Variants in CAAP1 observed in about 807,000 individuals in gnomAD.
CAAP1 encodes caspase activity and apoptosis inhibitor 1, also known as conserved anti-apoptotic protein.
Under a neutral mutation model 34.0 loss-of-function variants are expected in CAAP1, and 20 were observed. The ratio of observed to expected loss-of-function variants is 0.59; its 90% CI spans 0.41 to 0.86. CAAP1 has a LOEUF of 0.86. CAAP1 is among the 40% of genes least tolerant of loss of function. The probability of loss-of-function intolerance (pLI) is 0.00; values close to 1 mark genes in which losing one functional copy is unlikely to be tolerated. For missense variants in CAAP1, 538 were observed against 450.5 expected (o/e 1.19, Z -1.76); for synonymous variants, 213 against 166.7 (o/e 1.28, Z -2.14).
chr9:26,874,022 A>G (rs1056538961), intron 4 of CAAP1, among the ~76,000 whole-genome samples: 9 of 151,982 alleles, frequency 5.9e-5, no homozygotes, highest in Non-Finnish European at 1.5e-5. Flanking sequence ...CCTGGCTAAC[A>G]TGGTGAAACC....
intron 1 of CAAP1, among the ~76,000 whole-genome samples, chr9:26,891,252 T>C (rs905428628): frequency 4.6e-5 from 7 of 152,122 alleles, no homozygotes; most frequent in African/African-American, 9.7e-5. Context: ...CAAATAAAAA[T>C]ATTAAAATGT....
intron 4 of CAAP1, among the ~76,000 whole-genome samples, chr9:26,884,180 T>A (rs975843042): frequency 7.9e-5 from 12 of 152,326 alleles, no homozygotes; most frequent in Non-Finnish European, 1.5e-4. Flanking sequence ...AAATAGTTAA[T>A]TGTTTTAAGC....
intron 4 of CAAP1, among the ~76,000 whole-genome samples, chr9:26,876,680 A>G (rs551252882): frequency 1.3e-5 from 2 of 152,206 alleles, no homozygotes; most frequent in East Asian, 3.9e-4. Flanking sequence ...GAGCCTAGGA[A>G]TAAGAGGCTA....
intron 4 of CAAP1, among the ~76,000 whole-genome samples, chr9:26,873,475 A>G (rs900168860): frequency 1.6e-4 from 24 of 152,326 alleles, no homozygotes; most frequent in African/African-American, 5.5e-4. Context: ...ATTTCCCTAC[A>G]GTATACTTTT....
chr9:26,847,730 G>C (rs749901237), intron 5 of CAAP1, among the ~76,000 whole-genome samples: 1 of 150,396 alleles, frequency 6.6e-6, no homozygotes, highest in Non-Finnish European at 1.5e-5. Flanking sequence ...TTTTATTTAT[G>C]GTGTTTTTTT....
chr9:26,868,730 A>G (rs906860493), intron 4 of CAAP1, among the ~76,000 whole-genome samples: 1 of 152,236 alleles, frequency 6.6e-6, no homozygotes, highest in African/African-American at 2.4e-5. Flanking sequence ...TAAAGCCAAC[A>G]GGTGTACAGG....
intron 4 of CAAP1, among the ~76,000 whole-genome samples, chr9:26,870,473 C>T (rs1823246920): frequency 6.6e-6 from 1 of 150,906 alleles, no homozygotes; most frequent in Admixed American, 6.6e-5. Flanking sequence ...TCTAAGTTGT[C>T]TGAATCACAG....
Position 26,842,405 on chromosome 9 carries a change from C to T in CAAP1, c.982G>A (p.Asp328Asn). Residue 328 changes from aspartate to asparagine, a missense_variant, in exon 6 of 6, where the codon GAT (aspartate) becomes AAT (asparagine). Asp to Asn is a conservative substitution (Grantham distance 23). Around this residue, in one of 3 missense-constraint regions of CAAP1, gnomAD observed 6 missense variants for 19.8 expected, o/e 0.30. Coordinates refer to ENST00000333916, the MANE Select transcript of CAAP1 (RefSeq NM_024828.4). ...AATLAVPPPE[D>N]VQPSAQQLEL... Reference sequence around the variant, plus strand: ...AGTTGCTGTGCAGAAGGTTGAACATCTTCTGGTGGAGGAACAGCCAGGGTG... The same window carrying T: ...AGTTGCTGTGCAGAAGGTTGAACATTTTCTGGTGGAGGAACAGCCAGGGTG... 1 of 1,614,168 alleles carries T rather than the reference C, an allele frequency of 6.2e-7. No individual in the cohort carries two copies.
chr9:26,865,506 AAG>A (rs1480814399), intron 4 of CAAP1, among the ~76,000 whole-genome samples: 1 of 151,198 alleles, frequency 6.6e-6, no homozygotes, highest in Admixed American at 6.6e-5. Context: ...CCTGGGCAAC[AAG>A]AGAGAAACTA....
At chr9:26,845,010 T>C (rs1822564792) in intron 5 of CAAP1, among the ~76,000 whole-genome samples, 1 of 152,252 alleles carries the variant, frequency 6.6e-6, no homozygotes. Flanking sequence ...TTCTGACTTA[T>C]TCTGTCACTT....
At chr9:26,871,688 C>T (rs926307469) in intron 4 of CAAP1, among the ~76,000 whole-genome samples, 2 of 151,958 alleles carry the variant, frequency 1.3e-5, no homozygotes, top group Admixed American at 6.6e-5. Flanking sequence ...CTTTGGGAAG[C>T]CGAGGTGGGT....
chr9:26,866,600 A>T (rs1823144627), intron 4 of CAAP1, among the ~76,000 whole-genome samples: 1 of 152,236 alleles, frequency 6.6e-6, no homozygotes, highest in South Asian at 2.1e-4. Flanking sequence ...TTTCTGAATA[A>T]GAGCATACAC....
At position 26,847,213 on chromosome 9, in the gene CAAP1, T is replaced by A. The variant is rs1414014370; in HGVS notation, c.740-4566A>T. 7.0e-5 allele frequency among the ~76,000 whole-genome samples: 7 copies of A among 100,224 alleles called. No individual in the cohort carries two copies. In the East Asian group the frequency reaches 1.1e-3, roughly 16 times the overall value. The allele number at this position is 100,224 out of a possible 152,430, so 65.8% of individuals were successfully genotyped here. On this transcript the variant is annotated intron_variant, in intron 5 of 5. Coordinates refer to ENST00000333916, the MANE Select transcript of CAAP1 (RefSeq NM_024828.4). ...AAAAAGCAATATTTTTTTTTTTTTT[T>A]TTTTTTTTTTTTTTTTTTTGACACG...
At chr9:26,882,461 C>T (rs1410858458) in intron 4 of CAAP1, among the ~76,000 whole-genome samples, 1 of 152,172 alleles carries the variant, frequency 6.6e-6, no homozygotes, top group Non-Finnish European at 1.5e-5. Context: ...AAGAACTGTG[C>T]ACCTGCAGGA....
chr9:26,859,616 AC>A (rs1650948721), intron 5 of CAAP1, among the ~76,000 whole-genome samples: 1 of 152,208 alleles, frequency 6.6e-6, no homozygotes, highest in South Asian at 2.1e-4. Flanking sequence ...ATCTAATTAT[AC>A]ATGAGGTGTA....
chr9:26,889,367 G>A (rs1823841785), intron 1 of CAAP1, among the ~76,000 whole-genome samples: 2 of 152,020 alleles, frequency 1.3e-5, no homozygotes, highest in Non-Finnish European at 2.9e-5. Context: ...GCAGTGAGCC[G>A]AGATGGCGCC....
At chr9:26,867,007 T>A (rs1436404185) in intron 4 of CAAP1, among the ~76,000 whole-genome samples, 2 of 152,110 alleles carry the variant, frequency 1.3e-5, no homozygotes, top group African/African-American at 4.8e-5. Flanking sequence ...CATTACGGCC[T>A]GAGCTCCACC....
intron 1 of CAAP1, among the ~76,000 whole-genome samples, chr9:26,889,962 A>G (rs755257053): frequency 1.4e-4 from 22 of 152,120 alleles, no homozygotes; most frequent in Admixed American, 4.6e-4. Context: ...CTAATATGCA[A>G]TGACCTTTTC....
At chr9:26,859,078 T>C (rs1042289050) in intron 5 of CAAP1, among the ~76,000 whole-genome samples, 35 of 152,262 alleles carry the variant, frequency 2.3e-4, no homozygotes, top group African/African-American at 8.2e-4. Flanking sequence ...TGAACTGTAT[T>C]GTACAATGGT....
Sources: gnomAD v4.1 joint callset for allele counts (sites outside exome capture counted in the v4.1 genomes callset) on GRCh38, gnomAD v4.1.1 for gene constraint, gnomAD v4.1.1 regional missense constraint, MANE v1.5 for transcripts, NCBI Gene and HGNC (gene_info 2026-07-23, HGNC 2026-07-21) for gene names.